ANO6: variants seen among roughly 807,000 people sequenced by gnomAD.
ANO6 encodes the protein anoctamin 6.
A neutral mutation model predicts 117.5 loss-of-function variants in ANO6; 106 were observed. That is an observed-to-expected ratio of 0.90 (90% confidence interval 0.77 to 1.06). ANO6 has a LOEUF of 1.06. ANO6 is among the 50% of genes least tolerant of loss of function. The pLI, the probability that ANO6 is intolerant of heterozygous loss-of-function variation, is 0.00. For synonymous variants in ANO6, 367 were observed against 385.1 expected (o/e 0.95, Z 0.55); for missense variants, 955 against 1,121.1 (o/e 0.85, Z 2.12).
intron 1 of ANO6, among the ~76,000 whole-genome samples, chr12:45,221,335 G>A (rs771596312): frequency 6.6e-6 from 1 of 152,154 alleles, no homozygotes; most frequent in Non-Finnish European, 1.5e-5. Context: ...AAAACTGAAG[G>A]GAGAGACTGG....
Position 45,429,143 on chromosome 12 carries a change from A to C in ANO6, c.2565A>C (p.Ala855=). The C allele has an allele frequency of 6.2e-7, 1 of 1,613,862 alleles. No individual in the cohort carries two copies. Among genetic ancestry groups the C allele is most frequent in the Non-Finnish European group, 8.5e-7 (1 of 1,179,908 alleles). Residue 855 remains alanine (A), a synonymous_variant, in exon 20 of 20, where the codon GCA becomes GCC. Coordinates refer to ENST00000320560, the MANE Select transcript of ANO6 (RefSeq NM_001025356.3). The part of the protein sequence containing the change: ...IYSVKFFISY[A]IPDVSKRTKS... ...CTGTGAAATTTTTCATTTCATATGC[A>C]ATTCCCGATGTATCAAAACGCACAA...
At chr12:45,225,051 C>T (rs1424040949) in intron 1 of ANO6, among the ~76,000 whole-genome samples, 1 of 152,040 alleles carries the variant, frequency 6.6e-6, no homozygotes, top group East Asian at 1.9e-4. Context: ...ATCAGTTGGG[C>T]ATGGCACATG....
intron 1 of ANO6, among the ~76,000 whole-genome samples, chr12:45,241,399 A>G (rs1398906542): frequency 6.6e-6 from 1 of 152,198 alleles, no homozygotes; most frequent in Non-Finnish European, 1.5e-5. Context: ...TTTCGGCTCC[A>G]TCAGGTCATT....
intron 1 of ANO6, among the ~76,000 whole-genome samples, chr12:45,239,457 G>T (rs1453715288): frequency 2.0e-5 from 3 of 151,588 alleles, no homozygotes; most frequent in African/African-American, 7.3e-5. Context: ...CTTGCTAGCG[G>T]TCTATCAATT....
intron 1 of ANO6, among the ~76,000 whole-genome samples, chr12:45,227,904 G>A (rs1227051798): frequency 6.6e-6 from 1 of 152,156 alleles, no homozygotes; most frequent in African/African-American, 2.4e-5. Context: ...GATAATTATT[G>A]TGTGTGTTTT....
At chr12:45,374,418 C>T (rs1593031594) in intron 9 of ANO6, among the ~76,000 whole-genome samples, 1 of 94,976 alleles carries the variant, frequency 1.1e-5, no homozygotes, top group South Asian at 4.3e-4. Flanking sequence ...AATTTTAGAC[C>T]AATATCCTTG....
intron 1 of ANO6, among the ~76,000 whole-genome samples, chr12:45,242,919 A>G (rs1375818456): frequency 2.0e-5 from 3 of 152,220 alleles, no homozygotes; most frequent in African/African-American, 7.2e-5. Context: ...AATAATTAAT[A>G]TTTTGCAAAC....
rs1425522036 is a variant in ANO6 at position 45,429,966 on chromosome 12, T to G, written c.*655T>G. On this transcript the variant is annotated 3_prime_UTR_variant, in exon 20 of 20. Coordinates refer to ENST00000320560, the MANE Select transcript of ANO6 (RefSeq NM_001025356.3). ...AGATAGCAAGGTTTTGAAGCATATT[T>G]GTCCTAATCCACAGTGACACTTTTT... The G allele has an allele frequency of 1.0e-6, 1 of 987,342 alleles. No individual in the cohort carries two copies. The highest frequency in any genetic ancestry group is 1.7e-5 in the African/African-American group (1 of 57,248). The allele number at this position is 987,342 out of a possible 1,614,324, so 61.2% of individuals were successfully genotyped here. A position where few individuals can be genotyped will look rare whatever the true frequency, so the allele number is the denominator to read the frequency against.
At chr12:45,247,711 A>G (rs750395401) in intron 1 of ANO6, among the ~76,000 whole-genome samples, 12 of 152,170 alleles carry the variant, frequency 7.9e-5, no homozygotes, top group Admixed American at 1.3e-4. Context: ...CTCTGTTTCC[A>G]CATGATGGAG....
intron 3 of ANO6, among the ~76,000 whole-genome samples, chr12:45,334,549 G>A (rs1318166276): frequency 2.0e-5 from 3 of 151,952 alleles, no homozygotes; most frequent in Admixed American, 6.6e-5. Context: ...AGGGCCCTTT[G>A]CAGATTTCCT....
chr12:45,224,171 G>A (rs1208142976), intron 1 of ANO6, among the ~76,000 whole-genome samples: 1 of 152,166 alleles, frequency 6.6e-6, no homozygotes, highest in Admixed American at 6.5e-5. Context: ...CAAGGAGAAA[G>A]CACGTGACCT....
At chr12:45,325,680 T>C (rs1940435642) in intron 2 of ANO6, among the ~76,000 whole-genome samples, 1 of 152,168 alleles carries the variant, frequency 6.6e-6, no homozygotes, top group Non-Finnish European at 1.5e-5. Flanking sequence ...TTTCTTTTCA[T>C]TTATTGACTA....
chr12:45,244,847 G>A (rs1365419076), intron 1 of ANO6, among the ~76,000 whole-genome samples: 1 of 152,190 alleles, frequency 6.6e-6, no homozygotes, highest in Admixed American at 6.5e-5. Flanking sequence ...AACATTTCTT[G>A]ACTTTTGACT....
intron 9 of ANO6, among the ~76,000 whole-genome samples, chr12:45,377,752 A>G (rs893762933): frequency 1.3e-5 from 2 of 152,242 alleles, no homozygotes; most frequent in African/African-American, 2.4e-5. Flanking sequence ...TTCAAGCCCA[A>G]TGGAGGCTTT....
chr12:45,410,073 T>C (rs944938119), intron 16 of ANO6, among the ~76,000 whole-genome samples: 3 of 152,216 alleles, frequency 2.0e-5, no homozygotes, highest in Non-Finnish European at 4.4e-5. Flanking sequence ...CCACGAATTC[T>C]TAAAGCATTC....
At chr12:45,263,538 A>G (rs974039305) in intron 1 of ANO6, among the ~76,000 whole-genome samples, 1 of 151,812 alleles carries the variant, frequency 6.6e-6, no homozygotes, top group African/African-American at 2.4e-5. Flanking sequence ...GACACTAATA[A>G]TTGTTACCTA....
At chr12:45,315,780 C>T (rs534072384) in intron 2 of ANO6, among the ~76,000 whole-genome samples, 2 of 152,152 alleles carry the variant, frequency 1.3e-5, no homozygotes, top group Admixed American at 1.3e-4. Context: ...ATGTAATCAT[C>T]ATCCTCTCAG....
At chr12:45,423,358 C>T (rs1044448647) in intron 19 of ANO6, among the ~76,000 whole-genome samples, 3 of 152,126 alleles carry the variant, frequency 2.0e-5, no homozygotes, top group Non-Finnish European at 4.4e-5. Flanking sequence ...AGGGCTTATG[C>T]AAGATGGGTA....
chr12:45,373,858 A>G (rs1464920750), intron 9 of ANO6, among the ~76,000 whole-genome samples: 9 of 152,142 alleles, frequency 5.9e-5, no homozygotes, highest in Non-Finnish European at 1.3e-4. Flanking sequence ...AAATAACTAA[A>G]ATCAGAGCAG....
Sources: gnomAD v4.1 joint callset for allele counts (sites outside exome capture counted in the v4.1 genomes callset) on GRCh38, gnomAD v4.1.1 for gene constraint, MANE v1.5 for transcripts, NCBI Gene and HGNC (gene_info 2026-07-23, HGNC 2026-07-21) for gene names.